The following MELTF variants were observed in gnomAD, a reference collection of about 807,000 sequenced individuals.
The protein encoded by MELTF is melanotransferrin.
A neutral mutation model predicts 83.7 loss-of-function variants in MELTF; 67 were observed. The observed-to-expected ratio is 0.80, with a 90% CI of 0.66 to 0.98. The LOEUF is 0.98. MELTF is among the 50% of genes least tolerant of loss of function. The pLI is 0.00. For synonymous variants in MELTF, 462 were observed against 447.6 expected (o/e 1.03, Z -0.41); for missense variants, 1,002 against 1,035.6 (o/e 0.97, Z 0.44).
chr3:197,010,708 C>A lies in MELTF; in HGVS notation c.1320G>T (p.Glu440Asp), dbSNP rs1002308974. 1 of 1,613,030 alleles carries A rather than the reference C, an allele frequency of 6.2e-7. No homozygotes were observed. The highest frequency in any genetic ancestry group is 2.2e-5 in the East Asian group (1 of 44,892). ...KTYGLVPAAG[E>D]HYAPEDSSNS... is the part of the protein sequence containing the mutation. ...AGGCCCTGCACTCACGGGCATAGTG[C>A]TCCCCGGCTGCGGGAACCAGGCCGT... The change falls in exon 10 of 16, where the codon GAG becomes GAT. Residue 440 changes from glutamate (E) to aspartate (D), a missense_variant. Physicochemically the swap from Glu to Asp is conservative, Grantham distance 45. Transcript: ENST00000296350.
chr3:197,005,275 G>A (rs577013899), intron 14 of MELTF, among the ~76,000 whole-genome samples: 203 of 152,364 alleles, frequency 1.3e-3, no homozygotes, highest in South Asian at 0.012. Context: ...CGAGGAAATG[G>A]AAAAGCTAAA....
rs1024168128 is a variant in MELTF, at chr3:197,008,446, G to A, written c.1750+211C>T. 2.0e-5 allele frequency among the ~76,000 whole-genome samples: 3 copies of A among 152,154 alleles called. No homozygotes were observed. Among genetic ancestry groups the A allele is most frequent in the Admixed American group, 6.5e-5 (1 of 15,282 alleles). ...CTTGAATTCCAGGCCAGTAAAAACC[G>A]TCATGTATCCAGCACCCCTGGATGT... On this transcript the variant is annotated intron_variant, in intron 13 of 15. Coordinates refer to ENST00000296350, the MANE Select transcript of MELTF (RefSeq NM_005929.6). This position sits in a 1 kb window ranked among gnomAD's most constrained non-coding sequence, Gnocchi z 5.4.
At position 197,008,040 on chromosome 3, in the gene MELTF, G is replaced by A. The variant is rs1338319256; in HGVS notation, c.1750+617C>T. ...AAACGGACACAGATTCCTTCACGGA[G>A]AACAAGAAGAAGGGGAAGTGATATA... On this transcript the variant is annotated intron_variant, in intron 13 of 15. Transcript: ENST00000296350. The surrounding 1 kb of genome is among the most constrained non-coding windows in gnomAD (Gnocchi z 5.4). 6.6e-6 allele frequency among the ~76,000 whole-genome samples: 1 copy of A among 152,200 alleles called. No homozygotes were observed. The highest frequency in any genetic ancestry group is 1.5e-5 in the Non-Finnish European group (1 of 68,036).
chr3:197,023,468 G>T (rs547165848), intron 4 of MELTF, among the ~76,000 whole-genome samples: 1 of 152,326 alleles, frequency 6.6e-6, no homozygotes, highest in South Asian at 2.1e-4. Context: ...GGGAAATAAA[G>T]AATTATTGAA....
At chr3:197,013,335 GC>G (rs1394946441) in intron 9 of MELTF, among the ~76,000 whole-genome samples, 4 of 152,172 alleles carry the variant, frequency 2.6e-5, no homozygotes, top group Non-Finnish European at 5.9e-5. Context: ...AATGAACGGG[GC>G]CCTAAACTAC....
intron 2 of MELTF, chr3:197,027,183 C>T (rs570364064): frequency 4.9e-6 from 1 of 205,526 alleles, no homozygotes; most frequent in Non-Finnish European, 1.0e-5. Context: ...CAGCCTTGGC[C>T]CCAGTGTGGG....
intron 9 of MELTF, among the ~76,000 whole-genome samples, chr3:197,012,263 A>G (rs1719213834): frequency 6.6e-6 from 1 of 152,194 alleles, no homozygotes; most frequent in African/African-American, 2.4e-5. Flanking sequence ...AGGCTCATAC[A>G]GCACATCCCG....
Position 197,008,367 on chromosome 3 carries a change from G to C in MELTF, c.1750+290C>G, listed in dbSNP as rs182227974. ...GCACTACATCAATACTCCCAGAAGG[G>C]GGTCTTTCCAGATTGACTGGGATTG... is the stretch of plus-strand genomic sequence containing the variant. On this transcript the variant is annotated intron_variant, in intron 13 of 15. Transcript: ENST00000296350. This position sits in a 1 kb window ranked among gnomAD's most constrained non-coding sequence, Gnocchi z 5.4. 6.6e-6 allele frequency among the ~76,000 whole-genome samples: 1 copy of C among 152,234 alleles called. No homozygotes were observed. Among genetic ancestry groups the C allele is most frequent in the Admixed American group, 6.5e-5 (1 of 15,300 alleles).
At chr3:197,004,479 CACT>C in intron 14 of MELTF, 1 of 299,070 alleles carries the variant, frequency 3.3e-6, no homozygotes, top group Non-Finnish European at 6.5e-6. Flanking sequence ...AAGGCTTTCT[CACT>C]CTGTCTTACA....
At position 197,003,326 on chromosome 3, in the gene MELTF, A is replaced by T. The variant is rs1487826053; in HGVS notation, c.*46T>A. 9.6e-7 allele frequency: 1 copy of T among 1,039,220 alleles called. No homozygotes were observed. Among genetic ancestry groups the T allele is most frequent in the African/African-American group, 1.8e-5 (1 of 56,990 alleles). 64.4% of individuals were successfully genotyped at this position (1,039,220 alleles called of 1,614,324 possible). ...GGATTCCAGCGCGAAGCCGCCGCGG[A>T]AACTCCCCGGGCGGGCATCGGAGCT... On this transcript the variant is annotated 3_prime_UTR_variant, in exon 16 of 16. Transcript: ENST00000296350. The surrounding 1 kb of genome is among the most constrained non-coding windows in gnomAD (Gnocchi z 6.2).
In MELTF at chr3:197,015,530, A is replaced by G. The variant is rs1370583159; in HGVS notation, c.1082-14T>C. 2.5e-6 allele frequency: 4 copies of G among 1,604,812 alleles called. No homozygotes were observed. Among genetic ancestry groups the G allele is most frequent in the Non-Finnish European group, 3.4e-6 (4 of 1,174,850 alleles). ...AGGGGGGCAGCCCTGGGGTGGGGCA[A>G]GCAAGCGGTCACTGCCAGGCCAGTA... On this transcript the variant is annotated splice_polypyrimidine_tract_variant and intron_variant, in intron 8 of 15. Transcript: ENST00000296350.
At chr3:197,019,798 C>T in intron 6 of MELTF, 2 of 1,570,386 alleles carry the variant, frequency 1.3e-6, no homozygotes, top group Non-Finnish European at 8.7e-7. Context: ...TCGTGATGGA[C>T]TTTCTGATTT....
chr3:197,014,352 G>A (rs1271372253), intron 9 of MELTF, among the ~76,000 whole-genome samples: 1 of 150,870 alleles, frequency 6.6e-6, no homozygotes, highest in Admixed American at 6.6e-5. Flanking sequence ...CTGCAGACTG[G>A]GAAGGGTAGG....
chr3:197,009,750 A>G lies in MELTF; in HGVS notation c.1393T>C (p.Phe465Leu), dbSNP rs1160730582. Residue 465 changes from phenylalanine to leucine, a missense_variant, in exon 11 of 16, where the codon TTC becomes CTC. Coordinates refer to ENST00000296350, the MANE Select transcript of MELTF (RefSeq NM_005929.6). ...TTGCCCCGAAGCTCATCCAAGGTGA[A>G]GGCGTGGGAGCTGTCCCGTCTCACC... ...AVVRRDSSHA[F>L]TLDELRGKRS... 9 of 1,613,350 alleles carry G rather than the reference A, an allele frequency of 5.6e-6. No individual in the cohort carries two copies. In the Admixed American group the frequency reaches 1.3e-4, roughly 24 times the overall value.
intron 14 of MELTF, among the ~76,000 whole-genome samples, chr3:197,005,069 G>C (rs547507452): frequency 8.3e-4 from 126 of 152,360 alleles, no homozygotes; most frequent in African/African-American, 2.8e-3. Context: ...CAGCTCTGCA[G>C]TTCTGTGGTG....
rs1321264190 is a variant in MELTF at position 197,011,539 on chromosome 3, C to A, written c.1234-745G>T. Among the ~76,000 whole-genome samples the A allele has an allele frequency of 2.0e-5, 3 of 152,200 alleles. No homozygotes were observed. The highest frequency in any genetic ancestry group is 1.3e-4 in the Admixed American group (2 of 15,290). On this transcript the variant is annotated intron_variant, in intron 9 of 15. Transcript: ENST00000296350. The surrounding 1 kb of genome is among the most constrained non-coding windows in gnomAD (Gnocchi z 4.2). ...GGACACCTGTGCCCCAGGAAGGTGT[C>A]CCACGCCATTCCTGAAGAGGCATGA...
intron 6 of MELTF, 132 bp downstream of exon 6, chr3:197,021,272 A>G: frequency 1.3e-6 from 1 of 784,162 alleles, no homozygotes; most frequent in South Asian, 1.8e-5. Flanking sequence ...GGACTTGTCC[A>G]AGGTCACCCA....
Position 197,026,971 on chromosome 3 carries a change from A to G in MELTF, c.205-212T>C, listed in dbSNP as rs564470117. The G allele has an allele frequency of 3.0e-5, 17 of 559,212 alleles. No individual in the cohort carries two copies. The East Asian group carries it at 3.4e-4, about 11-fold the overall frequency. 34.6% of individuals were successfully genotyped at this position (559,212 alleles called of 1,614,324 possible). A position where few individuals can be genotyped will look rare whatever the true frequency, so the allele number is the denominator to read the frequency against. On this transcript the variant is annotated intron_variant, in intron 2 of 15. Coordinates refer to ENST00000296350, the MANE Select transcript of MELTF (RefSeq NM_005929.6). ...TGTTTTCCTAATAATGTTAAAAAAA[A>G]AATACTAATCATTGATTTTGCAGGA...
chr3:197,029,095 C>A lies in MELTF; in HGVS notation c.49+559G>T, dbSNP rs1719979008. On this transcript the variant is annotated intron_variant, in intron 1 of 15. Transcript: ENST00000296350. The surrounding 1 kb of genome is among the most constrained non-coding windows in gnomAD (Gnocchi z 6.5). ...CCATCCCCTCGGCGGTCGCCGCCCG[C>A]GATCCCCGCGAGCCGCTCCCCGAGG... 6.6e-6 allele frequency: 1 copy of A among 151,966 alleles called. No homozygotes were observed. The highest frequency in any genetic ancestry group is 2.4e-5 in the African/African-American group (1 of 41,360). The allele number at this position is 151,966 out of a possible 1,614,324, so 9.4% of individuals were successfully genotyped here.
Sources: allele counts gnomAD v4.1 joint callset (sites outside exome capture counted in the v4.1 genomes callset), GRCh38; gene constraint gnomAD v4.1.1; non-coding constraint Gnocchi (gnomAD v3.1); transcripts MANE v1.5; gene names NCBI Gene and HGNC (gene_info 2026-07-23, HGNC 2026-07-21).